CLK2: variants seen among roughly 807,000 people sequenced by gnomAD.
The protein encoded by CLK2 is dual specificity protein kinase CLK2.
Under a neutral mutation model 73.5 loss-of-function variants are expected in CLK2, and 12 were observed. That is an observed-to-expected ratio of 0.16 (90% CI 0.10 to 0.26). The LOEUF (loss-of-function observed/expected upper bound fraction) is 0.26, where lower values mean the gene tolerates loss of function less well. Among genes scored for constraint, CLK2 ranks in the 10% least tolerant of loss-of-function variants. CLK2 has a pLI of 1.00. For missense variants in CLK2, 509 were observed against 688.4 expected, an observed-to-expected ratio of 0.74 and a Z score of 2.92; for synonymous variants, 232 against 237.9, an observed-to-expected ratio of 0.98 and a Z score of 0.23.
intron 1 of CLK2, among the ~76,000 whole-genome samples, chr1:155,271,584 G>A (rs1673509622): frequency 6.6e-6 from 1 of 152,148 alleles, no homozygotes; most frequent in Non-Finnish European, 1.5e-5. Flanking sequence ...TTCAGGTCTA[G>A]GACACAGTTC....
intron 2 of CLK2, among the ~76,000 whole-genome samples, chr1:155,270,137 C>G (rs1673429459): frequency 6.6e-6 from 1 of 150,436 alleles, no homozygotes; most frequent in Admixed American, 6.7e-5. Flanking sequence ...GAGGCCAAGG[C>G]AGGTGGAGCA....
In CLK2 at chr1:155,268,700, G is replaced by A. The variant is rs769189387; in HGVS notation, c.487+8C>T. ...CAGGCTATAGGATTGTTACGATTTGGCTTGTACATCGCTCTTGTAGCCAGT... is the reference window on the plus strand; with the variant it reads ...CAGGCTATAGGATTGTTACGATTTGACTTGTACATCGCTCTTGTAGCCAGT... On this transcript the variant is annotated splice_region_variant and intron_variant, in intron 4 of 12. Transcript: ENST00000368361. The surrounding 1 kb of genome is among the most constrained non-coding windows in gnomAD (Gnocchi z 5.6). 2 of 1,612,974 alleles carry A rather than the reference G, an allele frequency of 1.2e-6. No individual in the cohort carries two copies. The highest frequency in any genetic ancestry group is 2.2e-5 in the East Asian group (1 of 44,878).
chr1:155,269,345 T>C, intron 3 of CLK2, 143 bp downstream of exon 3: 4 of 720,438 alleles, frequency 5.6e-6, no homozygotes, highest in Non-Finnish European at 9.4e-6. Flanking sequence ...GTCGGAGAGC[T>C]TCCAAGAAAG....
At chr1:155,266,660 C>T (rs1673246926) in intron 7 of CLK2, 69 bp downstream of exon 7, 14 of 1,533,072 alleles carry the variant, frequency 9.1e-6, no homozygotes, top group Middle Eastern at 2.3e-4. Flanking sequence ...TTCACCAGTG[C>T]ACAACCGACA....
rs887001494 is a variant in CLK2 at position 155,270,388 on chromosome 1, T to C, written c.170+420A>G. ...CTCTGTCTCAAAAATAAATAAATGA[T>C]ATTTTAAAATTTTTAAAAAATTAAA... On this transcript the variant is annotated intron_variant, in intron 2 of 12. Transcript: ENST00000368361. Among the ~76,000 whole-genome samples the C allele has an allele frequency of 1.1e-4, 16 of 152,140 alleles. No homozygotes were observed. The South Asian group carries it at 1.2e-3, about 12-fold the overall frequency.
chr1:155,263,051 T>C lies in CLK2; in HGVS notation c.*167A>G. 1 of 651,652 alleles carries C rather than the reference T, an allele frequency of 1.5e-6. No individual in the cohort carries two copies. The highest frequency in any genetic ancestry group is 2.5e-6 in the Non-Finnish European group (1 of 392,606). 40.4% of individuals were successfully genotyped at this position (651,652 alleles called of 1,614,324 possible). On this transcript the variant is annotated 3_prime_UTR_variant, in exon 13 of 13. Transcript: ENST00000368361. The stretch of plus-strand genomic sequence containing the variant: ...ATGTACAAGGCAGGGGTTGAAGTGA[T>C]AGGTACAAGTTCTTTCATATTTACA...
At position 155,269,691 on chromosome 1, in the gene CLK2, G is replaced by A. The variant is rs151218471; in HGVS notation, c.196C>T (p.Arg66Trp). The A allele has an allele frequency of 2.3e-5, 37 of 1,614,070 alleles. No individual in the cohort carries two copies. Among genetic ancestry groups the A allele is most frequent in the Middle Eastern group, 1.6e-4 (1 of 6,084 alleles). Residue 66 changes from arginine to tryptophan, a missense_variant, in exon 3 of 13, where the codon CGG becomes TGG. Around this residue, in one of 6 missense-constraint regions of CLK2, gnomAD observed 222 missense variants for 221.7 expected, o/e 1.00. Transcript: ENST00000368361. The part of the protein sequence containing the change: ...RSSYDDRSSD[R>W]RVYDRRYCGS... The stretch of plus-strand genomic sequence containing the variant: ...CAGTATCGCCGGTCATACACCCTCC[G>A]GTCGGACGAACGATCATCATAACTG...
chr1:155,265,771 TA>T, intron 8 of CLK2, 88 bp downstream of exon 8: 2 of 883,156 alleles, frequency 2.3e-6, no homozygotes, highest in Non-Finnish European at 3.9e-6. Context: ...GAGGACGAAA[TA>T]AAAGGGAGAA....
chr1:155,264,176 GGA>G, intron 11 of CLK2, 43 bp downstream of exon 11: 1 of 1,601,456 alleles, frequency 6.2e-7, no homozygotes, highest in Non-Finnish European at 8.6e-7. Flanking sequence ...CCAATTCTGT[GGA>G]GAGAAAAGGA....
chr1:155,267,735 G>A (rs1470741901), intron 6 of CLK2, among the ~76,000 whole-genome samples: 1 of 152,192 alleles, frequency 6.6e-6, no homozygotes, highest in Non-Finnish European at 1.5e-5. Context: ...CAGTCCTAGG[G>A]CTATGTCCAG....
intron 8 of CLK2, among the ~76,000 whole-genome samples, chr1:155,265,515 C>T (rs1341046403): frequency 1.3e-5 from 2 of 151,208 alleles, no homozygotes; most frequent in Admixed American, 6.6e-5. Context: ...TGCAGTGAGC[C>T]GAGATTATGC....
chr1:155,271,320 G>A (rs1673495279), intron 1 of CLK2, among the ~76,000 whole-genome samples: 1 of 152,154 alleles, frequency 6.6e-6, no homozygotes, highest in Non-Finnish European at 1.5e-5. Context: ...CCACTTCCCA[G>A]GTTCAAGCAA....
intron 12 of CLK2, 43 bp from the exon 13 acceptor site, chr1:155,263,443 CA>C: frequency 1.0e-5 from 16 of 1,607,832 alleles, no homozygotes; most frequent in Non-Finnish European, 1.4e-5. Context: ...GGATGCCTTA[CA>C]AACCCTGCCT....
chr1:155,268,808 A>G lies in CLK2; in HGVS notation c.400-13T>C, dbSNP rs1224093094. The G allele has an allele frequency of 4.9e-6, 5 of 1,010,370 alleles. No homozygotes were observed. Among genetic ancestry groups the G allele is most frequent in the African/African-American group, 3.1e-5 (1 of 32,378 alleles). The allele number at this position is 1,010,370 out of a possible 1,614,324, so 62.6% of individuals were successfully genotyped here. A position where few individuals can be genotyped will look rare whatever the true frequency, so the allele number is the denominator to read the frequency against. On this transcript the variant is annotated splice_polypyrimidine_tract_variant and intron_variant, in intron 3 of 12. Coordinates refer to ENST00000368361, the MANE Select transcript of CLK2 (RefSeq NM_001294338.2). The surrounding 1 kb of genome is among the most constrained non-coding windows in gnomAD (Gnocchi z 5.6). ...GGCTGCTGTGCTGCTGTCGGGGGGC[A>G]GGGGGGGTCGGAGCAAGCCAGGTGT...
chr1:155,271,122 T>C (rs1673483318), intron 1 of CLK2, 145 bp from the exon 2 acceptor site: 2 of 808,636 alleles, frequency 2.5e-6, no homozygotes, highest in African/African-American at 3.4e-5. Context: ...AGTCTTCCTC[T>C]GTACTTACAA....
chr1:155,268,208 C>G lies in CLK2; in HGVS notation c.555-82G>C. The G allele has an allele frequency of 6.4e-7, 1 of 1,559,134 alleles. No homozygotes were observed. Among genetic ancestry groups the G allele is most frequent in the South Asian group, 1.1e-5 (1 of 89,998 alleles). On this transcript the variant is annotated intron_variant, in intron 5 of 12. Transcript: ENST00000368361. This position sits in a 1 kb window ranked among gnomAD's most constrained non-coding sequence, Gnocchi z 5.6. ...AGGGCTGTAGGGGGACTAAGAAATT[C>G]TACCTCAGGTTAATTAGCAAAAAAG...
rs985411122 is a variant in CLK2 at position 155,268,486 on chromosome 1, C to A, written c.488-127G>T. ...AGGAAGGGGAACAGATACAGATGGT[C>A]ACAGGGGAAGAAAACCCCTGCGTGA... On this transcript the variant is annotated intron_variant, in intron 4 of 12. Coordinates refer to ENST00000368361, the MANE Select transcript of CLK2 (RefSeq NM_001294338.2). This position sits in a 1 kb window ranked among gnomAD's most constrained non-coding sequence, Gnocchi z 5.6. The A allele has an allele frequency of 6.0e-6, 5 of 831,498 alleles. No homozygotes were observed. Among genetic ancestry groups the A allele is most frequent in the African/African-American group, 3.4e-5 (2 of 59,572 alleles). The allele number at this position is 831,498 out of a possible 1,614,324, so 51.5% of individuals were successfully genotyped here.
Position 155,266,041 on chromosome 1 carries a change from A to G in CLK2, c.839-87T>C. 4 of 854,624 alleles carry G rather than the reference A, an allele frequency of 4.7e-6. No homozygotes were observed. In the Admixed American group the frequency reaches 6.8e-5, roughly 15 times the overall value. 52.9% of individuals were successfully genotyped at this position (854,624 alleles called of 1,614,324 possible). ...GACCCCAGGCCTGGTTACCTAGGGC[A>G]AAGCCAGTGAGGAGACAGGTCCAGA... On this transcript the variant is annotated intron_variant, in intron 7 of 12. Transcript: ENST00000368361.
chr1:155,264,477 G>A lies in CLK2; in HGVS notation c.1137C>T (p.Thr379=). ...CIIFEYYVGF[T]LFQTHDNREH... ...ACATCCCATCACTTACCTGGAAGAG[G>A]GTGAATCCCACATAGTATTCAAAGA... Residue 379 remains threonine (T), a synonymous_variant, in exon 10 of 13, where the codon ACC becomes ACT. Transcript: ENST00000368361. 1 of 1,613,838 alleles carries A rather than the reference G, an allele frequency of 6.2e-7. No homozygotes were observed. The highest frequency in any genetic ancestry group is 2.2e-5 in the East Asian group (1 of 44,882).
Sources: allele counts gnomAD v4.1 joint callset (sites outside exome capture counted in the v4.1 genomes callset), GRCh38; gene constraint gnomAD v4.1.1; regional missense constraint gnomAD v4.1.1; non-coding constraint Gnocchi (gnomAD v3.1); transcripts MANE v1.5; gene names NCBI Gene and HGNC (gene_info 2026-07-23, HGNC 2026-07-21).